The following CUL3 variants were observed in gnomAD, a reference collection of about 807,000 sequenced individuals.
CUL3 encodes cullin-3.
CUL3 carries 19 observed loss-of-function variants against 89.1 expected under a neutral mutation model. The ratio of observed to expected loss-of-function variants is 0.21; its 90% CI spans 0.15 to 0.31. The LOEUF is 0.31. Among genes scored for constraint, CUL3 ranks in the 10% least tolerant of loss-of-function variants. CUL3 has a pLI of 1.00. For synonymous variants in CUL3, 351 were observed against 308.4 expected (o/e 1.14, Z -1.45); for missense variants, 469 against 942.3 (o/e 0.50, Z 6.58).
At position 224,474,155 on chromosome 2, in the gene CUL3, A is replaced by T; in HGVS notation, c.*90T>A. ...CATGTACTGTAATTTAATAGAAGAG[A>T]TGGTCGTCTTAATATTTAATGATTT... On this transcript the variant is annotated 3_prime_UTR_variant, in exon 16 of 16. Coordinates refer to ENST00000264414, the MANE Select transcript of CUL3 (RefSeq NM_003590.5). 14 of 1,316,648 alleles carry T rather than the reference A, an allele frequency of 1.1e-5. 1 individual carries two copies. In the South Asian group the frequency reaches 1.9e-4, roughly 18 times the overall value. 81.6% of individuals were successfully genotyped at this position (1,316,648 alleles called of 1,614,324 possible).
At chr2:224,547,825 A>T (rs1193242880) in intron 2 of CUL3, among the ~76,000 whole-genome samples, 1 of 152,178 alleles carries the variant, frequency 6.6e-6, no homozygotes, top group Non-Finnish European at 1.5e-5. Context: ...AAGCTTTATT[A>T]TAAAAGGAAG....
At chr2:224,548,417 T>C (rs1440728533) in intron 2 of CUL3, among the ~76,000 whole-genome samples, 3 of 152,194 alleles carry the variant, frequency 2.0e-5, no homozygotes, top group East Asian at 3.8e-4. Flanking sequence ...TAGAAAAACT[T>C]TGAAAACCAC....
At chr2:224,526,817 C>CAAAA (rs75099076) in intron 3 of CUL3, among the ~76,000 whole-genome samples, 1 of 74,572 alleles carries the variant, frequency 1.3e-5, no homozygotes, top group Non-Finnish European at 2.9e-5. Flanking sequence ...ACTAAGTCTC[C>CAAAA]AAAAAAAAAA....
At chr2:224,524,595 G>A (rs988173122) in intron 3 of CUL3, among the ~76,000 whole-genome samples, 1 of 152,120 alleles carries the variant, frequency 6.6e-6, no homozygotes, top group Non-Finnish European at 1.5e-5. Context: ...TGGAAATAAA[G>A]GCAAACTGTT....
intron 1 of CUL3, among the ~76,000 whole-genome samples, chr2:224,575,089 G>C (rs1695268800): frequency 1.3e-5 from 2 of 152,210 alleles, no homozygotes; most frequent in Admixed American, 1.3e-4. Context: ...TAAAGATGCA[G>C]ATTAAATAAT....
At chr2:224,533,662 G>A (rs925594419) in intron 3 of CUL3, among the ~76,000 whole-genome samples, 2 of 152,068 alleles carry the variant, frequency 1.3e-5, no homozygotes, top group African/African-American at 4.8e-5. Flanking sequence ...CTAGAACTTC[G>A]AAAACAACAA....
At chr2:224,525,576 C>G (rs996387795) in intron 3 of CUL3, among the ~76,000 whole-genome samples, 1 of 152,098 alleles carries the variant, frequency 6.6e-6, no homozygotes, top group African/African-American at 2.4e-5. Flanking sequence ...TTTTATTGAT[C>G]TCCTAAAGTA....
At chr2:224,540,138 CCT>C (rs1694047093) in intron 2 of CUL3, among the ~76,000 whole-genome samples, 1 of 151,492 alleles carries the variant, frequency 6.6e-6, no homozygotes, top group Admixed American at 6.6e-5. Flanking sequence ...CTCACTGCAA[CCT>C]CTGTCTCCCA....
Position 224,585,170 on chromosome 2 carries a change from C to CGGCGGG in CUL3, c.-167_-162dup. ...GCCGGCCCCTGGGCAGCCGCGGCGG[C>CGGCGGG]GGCGGGGGCGGCGGCGGCGGCGGCG... On this transcript the variant is annotated 5_prime_UTR_variant, in exon 1 of 16. Transcript: ENST00000264414. 2 of 251,678 alleles carry CGGCGGG rather than the reference C, an allele frequency of 7.9e-6. No homozygotes were observed. The highest frequency in any genetic ancestry group is 9.9e-5 in the East Asian group (1 of 10,134). 15.6% of individuals were successfully genotyped at this position (251,678 alleles called of 1,614,324 possible).
chr2:224,500,458 G>A lies in CUL3; in HGVS notation c.1515C>T (p.Val505=). The A allele has an allele frequency of 3.1e-6, 5 of 1,613,794 alleles. No homozygotes were observed. The highest frequency in any genetic ancestry group is 2.2e-5 in the East Asian group (1 of 44,848). Residue 505 remains valine, a synonymous_variant, in exon 11 of 16, where the codon GTC becomes GTT. Coordinates refer to ENST00000264414, the MANE Select transcript of CUL3 (RefSeq NM_003590.5). ...GVSLGGVDLT[V]RVLTTGYWPT... is the part of the protein sequence containing the mutation. ...GCCAATATCCTGTCGTGAGCACCCG[G>A]ACTGTAAGATCAACACCACCTAAAG...
intron 1 of CUL3, among the ~76,000 whole-genome samples, chr2:224,566,310 A>G (rs1695038856): frequency 6.6e-6 from 1 of 152,192 alleles, no homozygotes; most frequent in Non-Finnish European, 1.5e-5. Context: ...TGAACAACCA[A>G]AAGACTGGCA....
intron 1 of CUL3, among the ~76,000 whole-genome samples, chr2:224,569,321 C>T (rs1182489802): frequency 6.6e-6 from 1 of 151,948 alleles, no homozygotes; most frequent in African/African-American, 2.4e-5. Flanking sequence ...TATACAGGAC[C>T]CTTCCCCAAG....
intron 3 of CUL3, among the ~76,000 whole-genome samples, chr2:224,522,973 A>G (rs1166834167): frequency 1.3e-5 from 2 of 152,258 alleles, no homozygotes; most frequent in East Asian, 3.8e-4. Context: ...AAAGTTGTGT[A>G]AACTGCAATA....
At chr2:224,530,661 C>T (rs757613472) in intron 3 of CUL3, among the ~76,000 whole-genome samples, 36 of 152,174 alleles carry the variant, frequency 2.4e-4, no homozygotes, top group Non-Finnish European at 4.1e-4. Flanking sequence ...AAGCCCAACA[C>T]TTTGGGAGGC....
intron 2 of CUL3, among the ~76,000 whole-genome samples, chr2:224,542,689 A>T (rs1274781871): frequency 6.6e-6 from 1 of 152,178 alleles, no homozygotes; most frequent in Non-Finnish European, 1.5e-5. Flanking sequence ...GATTATACGC[A>T]TGAGTCACCG....
chr2:224,486,487 C>T (rs910721845), intron 13 of CUL3, among the ~76,000 whole-genome samples: 1 of 151,686 alleles, frequency 6.6e-6, no homozygotes, highest in Non-Finnish European at 1.5e-5. Flanking sequence ...GTATCAACAG[C>T]CAAATCGATC....
intron 1 of CUL3, among the ~76,000 whole-genome samples, chr2:224,576,923 G>C (rs548932203): frequency 3.3e-5 from 5 of 152,242 alleles, no homozygotes; most frequent in Admixed American, 3.3e-4. Context: ...GATTCTTTAA[G>C]TATCCCAGTG....
chr2:224,553,926 G>C (rs1292439211), intron 2 of CUL3, among the ~76,000 whole-genome samples: 1 of 152,152 alleles, frequency 6.6e-6, no homozygotes, highest in African/African-American at 2.4e-5. Flanking sequence ...ACCACTTTAA[G>C]CAACTTATAA....
chr2:224,571,340 T>C (rs1695175036), intron 1 of CUL3, among the ~76,000 whole-genome samples: 2 of 152,312 alleles, frequency 1.3e-5, no homozygotes, highest in African/African-American at 4.8e-5. Context: ...ATTTATACTA[T>C]TTAACACTAC....
Sources: gnomAD v4.1 joint callset for allele counts (sites outside exome capture counted in the v4.1 genomes callset) on GRCh38, gnomAD v4.1.1 for gene constraint, MANE v1.5 for transcripts, NCBI Gene and HGNC (gene_info 2026-07-23, HGNC 2026-07-21) for gene names.